Variants in MRTFB observed in about 807,000 individuals in gnomAD.
The protein encoded by MRTFB is myocardin-related transcription factor B.
In MRTFB, 29 loss-of-function variants were observed where a neutral mutation model predicts 104.2. The observed-to-expected ratio is 0.28, with a 90% CI of 0.21 to 0.38. The LOEUF (loss-of-function observed/expected upper bound fraction) is 0.38, where lower values mean the gene tolerates loss of function less well. Ranked by LOEUF, MRTFB falls within the 10% of genes least tolerant of loss-of-function variation. The pLI, the probability that MRTFB is intolerant of heterozygous loss-of-function variation, is 1.00. For missense variants in MRTFB, 1,270 were observed against 1,341.6 expected, an observed-to-expected ratio of 0.95 and a Z score of 0.83; for synonymous variants, 535 against 519.5, an observed-to-expected ratio of 1.03 and a Z score of -0.41.
At chr16:14,021,292 C>T in the MRTFB span, among the ~76,000 whole-genome samples, 1 of 152,160 alleles carries the variant, frequency 6.6e-6, no homozygotes, top group Non-Finnish European at 1.5e-5. Flanking sequence ...ACTGAGGTGA[C>T]TCTTTTCTGC....
chr16:14,249,813 GT>G (rs1317282609), intron 13 of MRTFB, among the ~76,000 whole-genome samples: 1 of 152,194 alleles, frequency 6.6e-6, no homozygotes, highest in Non-Finnish European at 1.5e-5. Context: ...TAATCCCAGA[GT>G]TTTACTCTTC....
intron 2 of MRTFB, among the ~76,000 whole-genome samples, chr16:14,086,014 G>C (rs1234985542): frequency 6.6e-6 from 1 of 152,098 alleles, no homozygotes; most frequent in Non-Finnish European, 1.5e-5. Context: ...GTATAGACAT[G>C]GGAAAGTTTT....
intron 3 of MRTFB, among the ~76,000 whole-genome samples, chr16:14,196,188 G>A (rs1333110193): frequency 6.6e-6 from 1 of 152,172 alleles, no homozygotes; most frequent in Non-Finnish European, 1.5e-5. Context: ...TGTTTCCATG[G>A]CAACAGAAGC....
At chr16:14,018,404 T>C in the MRTFB span, among the ~76,000 whole-genome samples, 2 of 152,256 alleles carry the variant, frequency 1.3e-5, no homozygotes, top group Non-Finnish European at 2.9e-5. Flanking sequence ...CACGTGTTCA[T>C]CACCAACCTC....
chr16:14,193,509 C>G (rs2040289157), intron 3 of MRTFB, among the ~76,000 whole-genome samples: 1 of 152,134 alleles, frequency 6.6e-6, no homozygotes, highest in African/African-American at 2.4e-5. Context: ...TACCACTGCT[C>G]CCTCCTCAAA....
rs754198374 is a variant in MRTFB at position 14,247,384 on chromosome 16, T to C, written c.2124T>C (p.Pro708=). 6.2e-7 allele frequency: 1 copy of C among 1,613,892 alleles called. No homozygotes were observed. Among genetic ancestry groups the C allele is most frequent in the South Asian group, 1.1e-5 (1 of 91,088 alleles). ...TGAGTTCCCAGGGACAGCCACCGCC[T>C]GCTGTTGTTGCTCAGCCCCAGGCTT... The part of the protein sequence containing the change: ...FYVSSQGQPP[P]AVVAQPQALL... Residue 708 remains proline, a synonymous_variant, in exon 12 of 17, where the codon CCT becomes CCC. Coordinates refer to ENST00000571589, the MANE Select transcript of MRTFB (RefSeq NM_001308142.2).
intron 2 of MRTFB, among the ~76,000 whole-genome samples, chr16:14,104,941 G>A (rs1225266432): frequency 4.6e-5 from 7 of 152,094 alleles, no homozygotes; most frequent in South Asian, 4.2e-4. Flanking sequence ...TTTCTGCTTC[G>A]TTATCCTTGT....
Position 14,246,670 on chromosome 16 carries a change from A to G in MRTFB, c.1410A>G (p.Leu470=), listed in dbSNP as rs752043767. 8.1e-6 allele frequency: 13 copies of G among 1,614,036 alleles called. No individual in the cohort carries two copies. The South Asian group carries it at 1.1e-4, about 14-fold the overall frequency. The change falls in exon 12 of 17, where the codon CTA becomes CTG. Residue 470 remains leucine, a synonymous_variant. Coordinates refer to ENST00000571589, the MANE Select transcript of MRTFB (RefSeq NM_001308142.2). The stretch of plus-strand genomic sequence containing the variant: ...CTGTGGCCTTGCCGGTTACAACACT[A>G]CACAACACTGTGACTAGCTCAGTCT... ...EVTVALPVTT[L]HNTVTSSVST... is the part of the protein sequence containing the mutation.
At chr16:14,150,644 G>A (rs2038567853) in intron 3 of MRTFB, among the ~76,000 whole-genome samples, 1 of 152,076 alleles carries the variant, frequency 6.6e-6, no homozygotes, top group South Asian at 2.1e-4. Flanking sequence ...GACCAGCTTG[G>A]ACAATATATA....
At chr16:14,083,582 C>T (rs553527989) in intron 2 of MRTFB, among the ~76,000 whole-genome samples, 3 of 152,338 alleles carry the variant, frequency 2.0e-5, no homozygotes, top group Non-Finnish European at 2.9e-5. Flanking sequence ...CCTATGCTTA[C>T]TTCCCTCTGT....
At chr16:14,100,669 C>A (rs2035647201) in intron 2 of MRTFB, among the ~76,000 whole-genome samples, 1 of 152,164 alleles carries the variant, frequency 6.6e-6, no homozygotes. Context: ...TTTCCTTAAA[C>A]ATCTGCTAGA....
At chr16:14,079,218 C>T in intron 1 of MRTFB, 72 bp from the exon 2 acceptor site, 2 of 320,558 alleles carry the variant, frequency 6.2e-6, no homozygotes, top group East Asian at 4.2e-5. Flanking sequence ...TTCACATTCT[C>T]CAAGAGACAC....
intron 3 of MRTFB, among the ~76,000 whole-genome samples, chr16:14,160,096 C>T (rs1340489344): frequency 6.6e-6 from 1 of 152,124 alleles, no homozygotes; most frequent in African/African-American, 2.4e-5. Context: ...TAATGCACAG[C>T]CCATATTCAT....
At chr16:14,037,796 C>T in the MRTFB span, among the ~76,000 whole-genome samples, 5 of 152,156 alleles carry the variant, frequency 3.3e-5, no homozygotes, top group Non-Finnish European at 7.3e-5. Context: ...AGGAGTTCAG[C>T]GGATGTCAGC....
chr16:14,241,852 G>A (rs2042780023), intron 10 of MRTFB, among the ~76,000 whole-genome samples: 1 of 151,872 alleles, frequency 6.6e-6, no homozygotes, highest in South Asian at 2.1e-4. Context: ...GGGAATCAGG[G>A]GATACCAAAG....
intron 1 of MRTFB, among the ~76,000 whole-genome samples, chr16:14,076,460 G>T (rs1428034472): frequency 2.6e-5 from 4 of 152,146 alleles, no homozygotes; most frequent in Admixed American, 2.0e-4. Flanking sequence ...CTCCCAAAGG[G>T]CTGGGATTAC....
the MRTFB span, among the ~76,000 whole-genome samples, chr16:14,022,911 G>A: frequency 1.3e-5 from 2 of 151,972 alleles, no homozygotes; most frequent in Non-Finnish European, 2.9e-5. Flanking sequence ...TGACCAGGCT[G>A]GTCTCAAACT....
intron 3 of MRTFB, among the ~76,000 whole-genome samples, chr16:14,158,619 A>G (rs2038915919): frequency 6.6e-6 from 1 of 152,216 alleles, no homozygotes; most frequent in Non-Finnish European, 1.5e-5. Flanking sequence ...GATTATTAAG[A>G]TGCTTTTATT....
chr16:14,101,593 C>T (rs1024821589), intron 2 of MRTFB, among the ~76,000 whole-genome samples: 1 of 152,262 alleles, frequency 6.6e-6, no homozygotes, highest in East Asian at 1.9e-4. Context: ...AATCTACTTT[C>T]AATTTCTATT....
Sources: allele counts gnomAD v4.1 joint callset (sites outside exome capture counted in the v4.1 genomes callset), GRCh38; gene constraint gnomAD v4.1.1; transcripts MANE v1.5; gene names NCBI Gene and HGNC (gene_info 2026-07-23, HGNC 2026-07-21).